The following SNX29 variants were observed in gnomAD, a reference collection of about 807,000 sequenced individuals.
SNX29 encodes sorting nexin-29.
In SNX29, 78 loss-of-function variants were observed where a neutral mutation model predicts 102.1. The ratio of observed to expected loss-of-function variants is 0.76; its 90% CI spans 0.64 to 0.92. The LOEUF is 0.92. Ranked by LOEUF, SNX29 falls within the 40% of genes least tolerant of loss-of-function variation. The pLI, the probability that SNX29 is intolerant of heterozygous loss-of-function variation, is 0.00. For missense variants in SNX29, 1,280 were observed against 1,061.7 expected (o/e 1.21, Z -2.86); for synonymous variants, 580 against 414.5 (o/e 1.40, Z -4.85).
chr16:12,114,048 CAT>C (rs892843353), intron 11 of SNX29, among the ~76,000 whole-genome samples: 3 of 152,234 alleles, frequency 2.0e-5, no homozygotes, highest in African/African-American at 4.8e-5. Context: ...CGTGACATCA[CAT>C]GTCTTTGCTT....
chr16:12,544,670 T>C (rs965498836), intron 20 of SNX29, among the ~76,000 whole-genome samples: 3 of 152,186 alleles, frequency 2.0e-5, no homozygotes, highest in Non-Finnish European at 4.4e-5. Context: ...CATGAAGCCT[T>C]TGAGAGCGCT....
At chr16:12,434,708 C>T (rs374501086) in intron 18 of SNX29, among the ~76,000 whole-genome samples, 125 of 152,148 alleles carry the variant, frequency 8.2e-4, no homozygotes, top group East Asian at 2.3e-3. Context: ...CATCTGACAC[C>T]GAAGGCCCTG....
At chr16:12,228,006 TG>T (rs1171465849) in intron 14 of SNX29, among the ~76,000 whole-genome samples, 1 of 149,852 alleles carries the variant, frequency 6.7e-6, no homozygotes, top group East Asian at 2.0e-4. Flanking sequence ...GTTGCTGGGC[TG>T]GCCCACGCCT....
rs150001606 is a variant in SNX29, at chr16:12,016,308, T to A, written c.123-11012T>A. ...ACATTCTTAAGCATCATTTTTTTTTTAATATACTGAGGATTTTATATTTCT... is the reference window on the plus strand; with the variant it reads ...ACATTCTTAAGCATCATTTTTTTTTAAATATACTGAGGATTTTATATTTCT... On this transcript the variant is annotated intron_variant, in intron 3 of 20. Coordinates refer to ENST00000566228, the MANE Select transcript of SNX29 (RefSeq NM_032167.5). Among the ~76,000 whole-genome samples, 179 of 152,346 alleles carry A rather than the reference T, an allele frequency of 1.2e-3. 1 individual carries two copies. Among genetic ancestry groups the A allele is most frequent in the African/African-American group, 4.1e-3 (171 of 41,590 alleles).
chr16:12,558,628 G>A (rs1253561649), intron 20 of SNX29, among the ~76,000 whole-genome samples: 1 of 152,216 alleles, frequency 6.6e-6, no homozygotes, highest in Non-Finnish European at 1.5e-5. Flanking sequence ...CAGGCCCCGA[G>A]CTTAAAAGAA....
intron 18 of SNX29, among the ~76,000 whole-genome samples, chr16:12,405,746 T>G (rs2151521753): frequency 6.6e-6 from 1 of 152,302 alleles, no homozygotes; most frequent in South Asian, 2.1e-4. Context: ...ATTAAAAAAG[T>G]ATGCTGGCCA....
rs139821809 is a variant in SNX29, at chr16:12,098,952, C to T, written c.1402+20037C>T. 5.7e-4 allele frequency among the ~76,000 whole-genome samples: 87 copies of T among 152,024 alleles called. 1 individual carries two copies. Among genetic ancestry groups the T allele is most frequent in the African/African-American group, 1.8e-3 (76 of 41,480 alleles). Reference sequence around the variant, plus strand: ...TGGCCCAAGTGGGCCAGGTCACTCCCTGCATTGTGGGAGCAGAGAGTACGG... The same window carrying T: ...TGGCCCAAGTGGGCCAGGTCACTCCTTGCATTGTGGGAGCAGAGAGTACGG... On this transcript the variant is annotated intron_variant, in intron 11 of 20. Transcript: ENST00000566228. The surrounding 1 kb of genome is among the most constrained non-coding windows in gnomAD (Gnocchi z 6.0).
chr16:12,071,208 C>T (rs945403416), intron 10 of SNX29, among the ~76,000 whole-genome samples: 2 of 151,904 alleles, frequency 1.3e-5, no homozygotes, highest in African/African-American at 4.8e-5. Context: ...CTTTTGTTGC[C>T]ATTGCTTTTG....
At chr16:12,438,971 C>G (rs150803479) in intron 18 of SNX29, among the ~76,000 whole-genome samples, 1 of 152,286 alleles carries the variant, frequency 6.6e-6, no homozygotes, top group African/African-American at 2.4e-5. Context: ...AGGAAGGCAC[C>G]GGACAGGATT....
intron 15 of SNX29, among the ~76,000 whole-genome samples, chr16:12,288,112 C>G (rs911182342): frequency 6.6e-6 from 1 of 152,138 alleles, no homozygotes; most frequent in Non-Finnish European, 1.5e-5. Context: ...TGCTTGAGTC[C>G]AGAAGGTCAA....
In SNX29 at chr16:12,572,473, G is replaced by GACC; in HGVS notation, c.*3846_*3848dup. On this transcript the variant is annotated 3_prime_UTR_variant, in exon 21 of 21. Transcript: ENST00000566228. ...CATGGTACATTTTGCCAACCCTGAG[G>GACC]ACCAGTTCTTGGGGTTCCAGGCCTC... The GACC allele has an allele frequency of 9.4e-7, 1 of 1,063,814 alleles. No homozygotes were observed. The highest frequency in any genetic ancestry group is 1.1e-6 in the Non-Finnish European group (1 of 878,348). The allele number at this position is 1,063,814 out of a possible 1,614,324, so 65.9% of individuals were successfully genotyped here. A position where few individuals can be genotyped will look rare whatever the true frequency, so the allele number is the denominator to read the frequency against.
At chr16:12,434,763 A>T (rs937921216) in intron 18 of SNX29, among the ~76,000 whole-genome samples, 1 of 152,138 alleles carries the variant, frequency 6.6e-6, no homozygotes, top group Non-Finnish European at 1.5e-5. Context: ...CCTTTGCTCC[A>T]GTCCCATGAG....
At chr16:12,568,033 C>T (rs1235821778) in intron 20 of SNX29, among the ~76,000 whole-genome samples, 2 of 152,152 alleles carry the variant, frequency 1.3e-5, no homozygotes, top group Non-Finnish European at 2.9e-5. Context: ...TTAACTAGCC[C>T]CTAGCCTAGG....
At chr16:12,340,096 C>G (rs1217216735) in intron 15 of SNX29, among the ~76,000 whole-genome samples, 1 of 152,146 alleles carries the variant, frequency 6.6e-6, no homozygotes, top group Non-Finnish European at 1.5e-5. Flanking sequence ...GATTTAAATC[C>G]AAGACATAAT....
intron 20 of SNX29, among the ~76,000 whole-genome samples, chr16:12,540,392 C>G (rs993579887): frequency 3.3e-5 from 5 of 152,280 alleles, no homozygotes; most frequent in African/African-American, 9.6e-5. Flanking sequence ...CAAATTGGCA[C>G]AAAGTTAGTG....
At chr16:12,442,260 C>T (rs2085840622) in intron 18 of SNX29, among the ~76,000 whole-genome samples, 1 of 152,196 alleles carries the variant, frequency 6.6e-6, no homozygotes, top group Non-Finnish European at 1.5e-5. Flanking sequence ...GGACTCTTGA[C>T]TCTGTCCCTT....
At chr16:12,074,931 A>G (rs1467677768) in intron 10 of SNX29, among the ~76,000 whole-genome samples, 1 of 151,978 alleles carries the variant, frequency 6.6e-6, no homozygotes, top group Non-Finnish European at 1.5e-5. Context: ...TCCATCACTG[A>G]TACCCTTTCT....
intron 14 of SNX29, among the ~76,000 whole-genome samples, chr16:12,270,027 A>T (rs1445756440): frequency 6.6e-6 from 1 of 151,812 alleles, no homozygotes; most frequent in Admixed American, 6.6e-5. Flanking sequence ...CGCCCAGCTA[A>T]TTTTTGTATT....
intron 13 of SNX29, among the ~76,000 whole-genome samples, chr16:12,138,551 A>G (rs1420448500): frequency 6.6e-6 from 1 of 152,076 alleles, no homozygotes; most frequent in Non-Finnish European, 1.5e-5. Flanking sequence ...TCTGTTTGGT[A>G]AAAGAAACAT....
Sources: gnomAD v4.1 joint callset for allele counts (sites outside exome capture counted in the v4.1 genomes callset) on GRCh38, gnomAD v4.1.1 for gene constraint, Gnocchi (gnomAD v3.1) non-coding constraint, MANE v1.5 for transcripts, NCBI Gene and HGNC (gene_info 2026-07-23, HGNC 2026-07-21) for gene names.